The following TRPM3 variants were observed in gnomAD, a reference collection of about 807,000 sequenced individuals.
TRPM3 encodes transient receptor potential cation channel subfamily M member 3.
TRPM3 carries 77 observed loss-of-function variants against 181.2 expected under a neutral mutation model. The ratio of observed to expected loss-of-function variants is 0.42; its 90% confidence interval spans 0.35 to 0.51. The LOEUF is 0.51. TRPM3 is among the 20% of genes least tolerant of loss of function. The pLI is 0.01. For synonymous variants in TRPM3, 745 were observed against 796.4 expected, an observed-to-expected ratio of 0.94 and a Z score of 1.09; for missense variants, 1,759 against 2,196.7, an observed-to-expected ratio of 0.80 and a Z score of 3.98.
At chr9:70,771,137 G>A (rs1159358963) in intron 7 of TRPM3, among the ~76,000 whole-genome samples, 1 of 152,054 alleles carries the variant, frequency 6.6e-6, no homozygotes, top group Admixed American at 6.5e-5. Flanking sequence ...AACTCAAACG[G>A]GTGTTAGGAT....
chr9:71,260,288 G>C (rs1467313955), intron 1 of TRPM3, among the ~76,000 whole-genome samples: 1 of 152,136 alleles, frequency 6.6e-6, no homozygotes, highest in Admixed American at 6.5e-5. Context: ...CTGTAGTCTT[G>C]TAGTATACTT....
intron 21 of TRPM3, among the ~76,000 whole-genome samples, chr9:70,593,093 C>CT (rs1265955720): frequency 6.6e-6 from 1 of 152,152 alleles, no homozygotes; most frequent in African/African-American, 2.4e-5. Flanking sequence ...CCTTGTATGC[C>CT]TTAGGACACT....
chr9:71,046,805 G>C (rs902573359), intron 1 of TRPM3, among the ~76,000 whole-genome samples: 1 of 152,222 alleles, frequency 6.6e-6, no homozygotes, highest in African/African-American at 2.4e-5. Context: ...ATAGGTATTT[G>C]TATAGGAGAA....
chr9:70,656,022 C>T (rs914185773), intron 9 of TRPM3, among the ~76,000 whole-genome samples: 6 of 152,072 alleles, frequency 3.9e-5, no homozygotes, highest in African/African-American at 1.4e-4. Context: ...AATCAAATAC[C>T]TTATCAGAAA....
intron 22 of TRPM3, among the ~76,000 whole-genome samples, chr9:70,586,976 A>G (rs2057246728): frequency 6.6e-6 from 1 of 152,028 alleles, no homozygotes; most frequent in Non-Finnish European, 1.5e-5. Flanking sequence ...CATCACAGAG[A>G]CAACATGGAC....
intron 6 of TRPM3, among the ~76,000 whole-genome samples, chr9:70,807,728 T>A (rs1564388256): frequency 6.6e-6 from 1 of 152,060 alleles, no homozygotes; most frequent in Non-Finnish European, 1.5e-5. Flanking sequence ...GATGGGAGAC[T>A]ATGAAGGCTC....
intron 1 of TRPM3, chr9:70,869,120 G>A (rs2095727857): frequency 2.2e-6 from 2 of 919,348 alleles, no homozygotes; most frequent in South Asian, 5.0e-5. Context: ...AAAGTCACTT[G>A]TTCGGCTCTT....
At chr9:71,207,931 A>T (rs2079226185) in intron 1 of TRPM3, among the ~76,000 whole-genome samples, 1 of 152,066 alleles carries the variant, frequency 6.6e-6, no homozygotes, top group Admixed American at 6.6e-5. Flanking sequence ...TTCTTTGATG[A>T]GAGTGGTTTC....
chr9:71,320,635 T>C (rs1486068805), intron 1 of TRPM3, among the ~76,000 whole-genome samples: 1 of 152,154 alleles, frequency 6.6e-6, no homozygotes. Flanking sequence ...TCCTCTCTGC[T>C]CAACATGCAG....
chr9:70,683,113 G>A (rs750638800), intron 8 of TRPM3, among the ~76,000 whole-genome samples: 13 of 152,202 alleles, frequency 8.5e-5, no homozygotes, highest in Non-Finnish European at 1.6e-4. Context: ...GGAAGAATAA[G>A]ATAATACGAA....
intron 9 of TRPM3, among the ~76,000 whole-genome samples, chr9:70,675,841 A>G (rs547843120): frequency 6.6e-6 from 1 of 152,342 alleles, no homozygotes; most frequent in East Asian, 1.9e-4. Context: ...TTTTGACATG[A>G]AAGAATTGTG....
chr9:71,151,838 G>A (rs2075750774), intron 1 of TRPM3, among the ~76,000 whole-genome samples: 1 of 152,038 alleles, frequency 6.6e-6, no homozygotes. Context: ...AAGGCAAGGT[G>A]GATAACAGTG....
At chr9:71,242,750 C>T (rs1017474123) in intron 1 of TRPM3, among the ~76,000 whole-genome samples, 1 of 152,156 alleles carries the variant, frequency 6.6e-6, no homozygotes, top group African/African-American at 2.4e-5. Flanking sequence ...CTTTTATCAT[C>T]CATGACTGCC....
intron 1 of TRPM3, among the ~76,000 whole-genome samples, chr9:71,234,583 T>G (rs1403297532): frequency 6.6e-6 from 1 of 152,166 alleles, no homozygotes; most frequent in Non-Finnish European, 1.5e-5. Context: ...GTAAATGGTC[T>G]TCTCTCGGCG....
At chr9:70,794,178 G>T (rs1588446796) in intron 6 of TRPM3, among the ~76,000 whole-genome samples, 1 of 152,004 alleles carries the variant, frequency 6.6e-6, no homozygotes, top group Non-Finnish European at 1.5e-5. Flanking sequence ...GTCAGGAGGG[G>T]CTTCCTTTCC....
intron 15 of TRPM3, 124 bp from the exon 16 acceptor site, chr9:70,620,489 C>T: frequency 9.1e-7 from 1 of 1,095,172 alleles, no homozygotes; most frequent in South Asian, 1.6e-5. Flanking sequence ...GAGGCCAGCT[C>T]CTGTCCTAAA....
At chr9:70,801,090 G>A (rs955245245) in intron 6 of TRPM3, among the ~76,000 whole-genome samples, 11 of 152,312 alleles carry the variant, frequency 7.2e-5, no homozygotes, top group South Asian at 2.1e-4. Context: ...ACTTGCAAGT[G>A]AAGGGGTCAT....
chr9:70,772,910 C>CAT (rs1018296551), intron 7 of TRPM3, among the ~76,000 whole-genome samples: 1 of 151,262 alleles, frequency 6.6e-6, no homozygotes, highest in Non-Finnish European at 1.5e-5. Context: ...AGTGCAATCC[C>CAT]ATCAGCGAAT....
At chr9:70,653,048 C>A (rs1013129400) in intron 9 of TRPM3, among the ~76,000 whole-genome samples, 6 of 151,976 alleles carry the variant, frequency 3.9e-5, no homozygotes, top group African/African-American at 1.5e-4. Flanking sequence ...GGGGGAAAAG[C>A]CCTCGGAAAG....
Sources: gnomAD v4.1 joint callset for allele counts (sites outside exome capture counted in the v4.1 genomes callset) on GRCh38, gnomAD v4.1.1 for gene constraint, MANE v1.5 for transcripts, NCBI Gene and HGNC (gene_info 2026-07-23, HGNC 2026-07-21) for gene names.